RNF19A: variants seen among roughly 807,000 people sequenced by gnomAD.
RNF19A encodes the protein E3 ubiquitin-protein ligase RNF19A.
RNF19A carries 32 observed loss-of-function variants against 75.7 expected under a neutral mutation model. The ratio of observed to expected loss-of-function variants is 0.42; its 90% CI spans 0.32 to 0.57. The LOEUF (loss-of-function observed/expected upper bound fraction) is 0.57. Among genes scored for constraint, RNF19A ranks in the 20% least tolerant of loss-of-function variants. RNF19A has a pLI of 0.10. For synonymous variants in RNF19A, 335 were observed against 345.2 expected, an observed-to-expected ratio of 0.97 and a Z score of 0.33; for missense variants, 782 against 1,036.3, an observed-to-expected ratio of 0.75 and a Z score of 3.37.
In RNF19A at chr8:100,275,518, G is replaced by A. The variant is rs1820464444; in HGVS notation, c.675-357C>T. Reference sequence around the variant, plus strand: ...TTCTGTCGCCCAAACAGTGAACACAGTACCTGACAGGCAGTTTTTCAACTC... The same window carrying A: ...TTCTGTCGCCCAAACAGTGAACACAATACCTGACAGGCAGTTTTTCAACTC... On this transcript the variant is annotated intron_variant, in intron 2 of 9. Coordinates refer to ENST00000341084, the MANE Select transcript of RNF19A (RefSeq NM_183419.4). The surrounding 1 kb of genome is among the most constrained non-coding windows in gnomAD (Gnocchi z 4.3). Among the ~76,000 whole-genome samples, 1 of 151,766 alleles carries A rather than the reference G, an allele frequency of 6.6e-6. No homozygotes were observed. The highest frequency in any genetic ancestry group is 2.1e-4 in the South Asian group (1 of 4,818).
chr8:100,297,698 T>C (rs1821633954), intron 1 of RNF19A, among the ~76,000 whole-genome samples: 1 of 152,200 alleles, frequency 6.6e-6, no homozygotes. Context: ...GATACCTGAG[T>C]ACTACACATG....
intron 1 of RNF19A, among the ~76,000 whole-genome samples, chr8:100,316,720 C>T (rs1057019466): frequency 6.6e-6 from 1 of 152,244 alleles, no homozygotes; most frequent in Non-Finnish European, 1.5e-5. Context: ...CTAGTGGATC[C>T]CGCACCAGGG....
chr8:100,298,743 C>A (rs1165075856), intron 1 of RNF19A, among the ~76,000 whole-genome samples: 3 of 152,142 alleles, frequency 2.0e-5, no homozygotes, highest in Non-Finnish European at 4.4e-5. Context: ...ATACTCATTA[C>A]AAGTAATATT....
intron 1 of RNF19A, among the ~76,000 whole-genome samples, chr8:100,289,623 A>C (rs1821194469): frequency 6.6e-6 from 1 of 152,220 alleles, no homozygotes; most frequent in African/African-American, 2.4e-5. Flanking sequence ...GATGGCTAAA[A>C]TTAAAAGACT....
At chr8:100,305,622 T>C (rs185745146) in intron 1 of RNF19A, among the ~76,000 whole-genome samples, 3 of 152,358 alleles carry the variant, frequency 2.0e-5, no homozygotes, top group African/African-American at 4.8e-5. Flanking sequence ...GCTGAAGAGA[T>C]AGTTATAAAA....
chr8:100,309,417 C>A, intron 1 of RNF19A: 5 of 985,612 alleles, frequency 5.1e-6, no homozygotes, highest in Non-Finnish European at 6.0e-6. Context: ...CGATTTCACC[C>A]GTCAGGAATG....
chr8:100,277,343 G>A (rs141532244), intron 2 of RNF19A, among the ~76,000 whole-genome samples: 61 of 152,012 alleles, frequency 4.0e-4, no homozygotes, highest in Middle Eastern at 3.4e-3. Flanking sequence ...ACAGAGTCTC[G>A]CTTTGTTGCC....
chr8:100,268,244 A>C (rs1007294966), intron 5 of RNF19A, among the ~76,000 whole-genome samples: 4 of 152,244 alleles, frequency 2.6e-5, no homozygotes, highest in Admixed American at 2.0e-4. Context: ...TGCTTAGCTA[A>C]TGAAATATAA....
chr8:100,316,435 A>C (rs1822376859), intron 1 of RNF19A, among the ~76,000 whole-genome samples: 1 of 152,140 alleles, frequency 6.6e-6, no homozygotes, highest in Admixed American at 6.5e-5. Context: ...TGGTAGAGCC[A>C]AGTGGTCTGT....
chr8:100,275,108 C>CGCCCACAAGTTAA lies in RNF19A; in HGVS notation c.715_727dup (p.Arg243LeufsTer17). ...GCAAAACTCTGTTCCACAGCCCTCTCGCCCACAAGTTAATTTTGGACAGCT... is the reference window on the plus strand; with the variant it reads ...GCAAAACTCTGTTCCACAGCCCTCTCGCCCACAAGTTAAGCCCACAAGTTAATTTTGGACAGCT... On this transcript the variant is annotated frameshift_variant, in exon 3 of 10. Transcript: ENST00000341084. LOFTEE classifies it high-confidence loss of function. This position sits in a 1 kb window ranked among gnomAD's most constrained non-coding sequence, Gnocchi z 4.3. 6.2e-7 allele frequency: 1 copy of CGCCCACAAGTTAA among 1,614,090 alleles called. No individual in the cohort carries two copies. Among genetic ancestry groups the CGCCCACAAGTTAA allele is most frequent in the Non-Finnish European group, 8.5e-7 (1 of 1,180,018 alleles).
chr8:100,266,648 C>T (rs368980254), intron 5 of RNF19A, among the ~76,000 whole-genome samples: 1 of 151,988 alleles, frequency 6.6e-6, no homozygotes. Flanking sequence ...ATAGCGGGGG[C>T]TACAGGCATG....
Position 100,288,103 on chromosome 8 carries a change from T to A in RNF19A, c.72A>T (p.Ser24=), listed in dbSNP as rs747610458. The stretch of plus-strand genomic sequence containing the variant: ...TCATGTCTAAAATGCTTGTTAGAAT[T>A]GAGACAGGGTCAGTGTTTACACACA... The part of the protein sequence containing the change: ...EGLCVNTDPV[S]ILTSILDMSL... The change falls in exon 2 of 10, where the codon TCA becomes TCT. Residue 24 remains serine (S), a synonymous_variant. Transcript: ENST00000341084. The A allele has an allele frequency of 1.2e-6, 2 of 1,614,010 alleles. No homozygotes were observed. Among genetic ancestry groups the A allele is most frequent in the Non-Finnish European group, 1.7e-6 (2 of 1,180,016 alleles).
In RNF19A at chr8:100,324,387, T is replaced by C. The variant is rs1563875554; in HGVS notation, c.-242-11015A>G. Among the ~76,000 whole-genome samples, 1 of 152,230 alleles carries C rather than the reference T, an allele frequency of 6.6e-6. No homozygotes were observed. The highest frequency in any genetic ancestry group is 1.5e-5 in the Non-Finnish European group (1 of 68,046). ...TGATTAATCACAAAGAAGTATTTCT[T>C]TTGTTTCCACCTTAATATTTACTGA... On this transcript the variant is annotated intron_variant, in intron 1 of 3. Transcript: ENST00000519527. The surrounding 1 kb of genome is among the most constrained non-coding windows in gnomAD (Gnocchi z 4.2).
At chr8:100,309,207 C>T (rs1586689468) in intron 1 of RNF19A, 2 of 597,494 alleles carry the variant, frequency 3.3e-6, no homozygotes, top group Non-Finnish European at 4.2e-6. Context: ...GGAAGACCCC[C>T]GTTAACACAT....
At chr8:100,303,020 A>C (rs1660348) in intron 1 of RNF19A, 1 of 152,078 alleles carries the variant, frequency 6.6e-6, no homozygotes, top group Non-Finnish European at 1.5e-5. Context: ...GTCTCTGATC[A>C]TCATAGCACA....
intron 5 of RNF19A, among the ~76,000 whole-genome samples, chr8:100,267,601 C>T (rs1032730532): frequency 1.3e-5 from 2 of 151,954 alleles, no homozygotes; most frequent in Non-Finnish European, 2.9e-5. Flanking sequence ...AACTCCCAGC[C>T]TCAAGTGATC....
Position 100,292,435 on chromosome 8 carries a change from G to GGGGTGTGTGTGT in RNF19A, c.-93-4169_-93-4168insACACACACACCC, listed in dbSNP as rs137938989. ...TAATAAAGAGGCTTGCTATCATATG[G>GGGGTGTGTGTGT]GTGTGTGTGTGTGTGTGTGTGTGTG... On this transcript the variant is annotated intron_variant, in intron 1 of 9. Transcript: ENST00000341084. 3.4e-3 allele frequency among the ~76,000 whole-genome samples: 488 copies of GGGGTGTGTGTGT among 145,424 alleles called. 2 individuals are homozygous for GGGGTGTGTGTGT. Among genetic ancestry groups the GGGGTGTGTGTGT allele is most frequent in the African/African-American group, 0.01 (403 of 39,332 alleles).
chr8:100,329,246 C>T lies in RNF19A; in HGVS notation c.-243+6862G>A, dbSNP rs944071681. ...AGCTCATCTCACACATGCACATATA[C>T]ATATACACACATACACGTACACAAA... On this transcript the variant is annotated intron_variant, in intron 1 of 3. Transcript: ENST00000519527. This position sits in a 1 kb window ranked among gnomAD's most constrained non-coding sequence, Gnocchi z 4.3. Among the ~76,000 whole-genome samples the T allele has an allele frequency of 1.3e-5, 2 of 152,098 alleles. No homozygotes were observed. Among genetic ancestry groups the T allele is most frequent in the African/African-American group, 4.8e-5 (2 of 41,386 alleles).
In RNF19A at chr8:100,317,070, G is replaced by T. The variant is rs1200928927; in HGVS notation, c.-242-3698C>A. Among the ~76,000 whole-genome samples the T allele has an allele frequency of 6.6e-6, 1 of 151,852 alleles. No individual in the cohort carries two copies. Among genetic ancestry groups the T allele is most frequent in the Non-Finnish European group, 1.5e-5 (1 of 67,862 alleles). On this transcript the variant is annotated intron_variant, in intron 1 of 3. Transcript: ENST00000519527. This position sits in a 1 kb window ranked among gnomAD's most constrained non-coding sequence, Gnocchi z 4.3. ...GCAGCGCTGCCCGGCTACTCTGAGT[G>T]CGGGGCCTGCCAAGCCCACGCCCAC...
Sources: allele counts gnomAD v4.1 joint callset (sites outside exome capture counted in the v4.1 genomes callset), GRCh38; gene constraint gnomAD v4.1.1; non-coding constraint Gnocchi (gnomAD v3.1); transcripts MANE v1.5; gene names NCBI Gene and HGNC (gene_info 2026-07-23, HGNC 2026-07-21).